The following ZNF208 variants were observed in gnomAD, a reference collection of about 807,000 sequenced individuals.
The protein encoded by ZNF208 is zinc finger protein 208.
In ZNF208, 10 loss-of-function variants were observed where a neutral mutation model predicts 12.1. That is an observed-to-expected ratio of 0.83 (90% CI 0.51 to 1.40). ZNF208 has a LOEUF of 1.40. Ranked by LOEUF, ZNF208 falls within the 40% of genes most tolerant of loss-of-function variation. ZNF208 has a pLI of 0.00. For missense variants in ZNF208, 1,652 were observed against 1,485.0 expected, an observed-to-expected ratio of 1.11 and a Z score of -1.85; for synonymous variants, 497 against 488.4, an observed-to-expected ratio of 1.02 and a Z score of -0.23.
intron 1 of ZNF208, 124 bp from the exon 2 acceptor site, chr19:21,989,033 A>T: frequency 7.8e-7 from 1 of 1,277,484 alleles, no homozygotes; most frequent in Non-Finnish European, 1.1e-6. Flanking sequence ...GAAATTATTC[A>T]ATAAAATAAT....
chr19:21,976,570 A>G lies in ZNF208; in HGVS notation c.227-1763T>C, dbSNP rs570641236. Among the ~76,000 whole-genome samples the G allele has an allele frequency of 9.8e-5, 15 of 152,294 alleles. 1 individual carries two copies. The South Asian group carries it at 3.1e-3, about 32-fold the overall frequency. On this transcript the variant is annotated intron_variant, in intron 3 of 3. Transcript: ENST00000397126. Reference sequence around the variant, plus strand: ...ATATCTAATAGATTTATTAACATTTATTCTTTTGAGACAAAGTTTTACTTT... The same window carrying G: ...ATATCTAATAGATTTATTAACATTTGTTCTTTTGAGACAAAGTTTTACTTT...
rs568677167 is a variant in ZNF208, at chr19:21,982,433, T to C, written c.226+4783A>G. 1.2e-4 allele frequency among the ~76,000 whole-genome samples: 18 copies of C among 151,026 alleles called. No individual in the cohort carries two copies. The South Asian group carries it at 3.6e-3, about 30-fold the overall frequency. On this transcript the variant is annotated intron_variant, in intron 3 of 3. Coordinates refer to ENST00000397126, the MANE Select transcript of ZNF208 (RefSeq NM_007153.3). The stretch of plus-strand genomic sequence containing the variant: ...ATCAATATCATGAAAATGGCCATAC[T>C]GCCCAAGGTAATTTATAGATTCAAT...
chr19:21,971,504 C>G lies in ZNF208; in HGVS notation c.3530G>C (p.Gly1177Ala), dbSNP rs879149203. 57 of 1,605,024 alleles carry G rather than the reference C, an allele frequency of 3.6e-5. No homozygotes were observed. In the South Asian group the frequency reaches 5.8e-4, roughly 16 times the overall value. The change falls in exon 4 of 4, where the codon GGC becomes GCC. Residue 1177 changes from glycine to alanine, a missense_variant. This residue lies in a region of ZNF208 where 1,239 missense variants were observed against 1,086.2 expected (regional missense o/e 1.14). Coordinates refer to ENST00000397126, the MANE Select transcript of ZNF208 (RefSeq NM_007153.3). ...TGCAAGGATTGAGAACATAACAAAG[C>G]CTTTGCCACATTCTTCACATTTGTA... Reference protein sequence around the residue: ...KPYKCEECGKGFVMFSILAKH... With the variant: ...KPYKCEECGKAFVMFSILAKH...
chr19:22,010,252 T>C (rs1249688594), intron 1 of ZNF208, among the ~76,000 whole-genome samples: 1 of 152,194 alleles, frequency 6.6e-6, no homozygotes, highest in Non-Finnish European at 1.5e-5. Flanking sequence ...TTATTGAATG[T>C]GGTTTTCCTC....
At chr19:21,983,242 A>G (rs929428611) in intron 3 of ZNF208, among the ~76,000 whole-genome samples, 14 of 152,240 alleles carry the variant, frequency 9.2e-5, no homozygotes, top group African/African-American at 3.4e-4. Flanking sequence ...TGGCAAACAA[A>G]CATATGAAAA....
At chr19:21,992,262 T>G (rs571689119) in intron 1 of ZNF208, among the ~76,000 whole-genome samples, 12 of 152,356 alleles carry the variant, frequency 7.9e-5, no homozygotes, top group Admixed American at 2.6e-4. Flanking sequence ...GAACACATTT[T>G]TATAATGTCC....
chr19:21,961,953 G>C (rs1395914665), downstream of ZNF208, among the ~76,000 whole-genome samples: 1 of 152,076 alleles, frequency 6.6e-6, no homozygotes, highest in East Asian at 1.9e-4. Context: ...GTCCTGAGGT[G>C]ACATACATCC....
In ZNF208 at chr19:21,950,718, C is replaced by A. The variant is rs557524491; in HGVS notation, c.306-17481G>T. ...CCATGTTGGCCAGGCTGGTCTCAAA[C>A]TCCTGACCTCAGGTGATCCACCCGC... On this transcript the variant is annotated intron_variant, in intron 4 of 4. Coordinates refer to the ZNF208 transcript ENST00000599916. 1.3e-3 allele frequency among the ~76,000 whole-genome samples: 194 copies of A among 152,202 alleles called. 2 individuals carry two copies. The highest frequency in any genetic ancestry group is 6.9e-3 in the South Asian group (33 of 4,808).
intron 3 of ZNF208, among the ~76,000 whole-genome samples, chr19:21,984,749 G>C (rs1420710904): frequency 1.3e-5 from 2 of 152,020 alleles, no homozygotes; most frequent in African/African-American, 2.4e-5. Context: ...AACCCTAAAA[G>C]TATATAGAAT....
At position 21,972,602 on chromosome 19, in the gene ZNF208, C is replaced by T. The variant is rs755657892; in HGVS notation, c.2432G>A (p.Gly811Asp). 9 of 1,613,350 alleles carry T rather than the reference C, an allele frequency of 5.6e-6. No individual in the cohort carries two copies. In the Admixed American group the frequency reaches 1.0e-4, roughly 18 times the overall value. The part of the protein sequence containing the change: ...DEKPYKCEEC[G>D]KTFSKVSTLT... ...GGTTGAGACCTTACTAAAGGTTTTGCCACATTCTTCACATTTGTAGGGTTT... is the reference window on the plus strand; with the variant it reads ...GGTTGAGACCTTACTAAAGGTTTTGTCACATTCTTCACATTTGTAGGGTTT... Residue 811 changes from glycine (G) to aspartate (D), a missense_variant, in exon 4 of 4, where the codon GGC (glycine) becomes GAC (aspartate). By Grantham distance (94) the Gly-to-Asp change is moderately conservative. Around this residue, in one of 3 missense-constraint regions of ZNF208, gnomAD observed 1,239 missense variants for 1,086.2 expected, o/e 1.14. Transcript: ENST00000397126.
intron 1 of ZNF208, among the ~76,000 whole-genome samples, chr19:21,994,680 C>G (rs999477643): frequency 1.3e-5 from 2 of 151,904 alleles, no homozygotes; most frequent in African/African-American, 4.8e-5. Context: ...TTAAGGTTTT[C>G]TAGAATAATT....
intron 4 of ZNF208, among the ~76,000 whole-genome samples, chr19:21,958,548 G>C (rs1970014297): frequency 1.3e-5 from 2 of 152,172 alleles, no homozygotes; most frequent in South Asian, 4.1e-4. Flanking sequence ...TTATCAGGGT[G>C]TGTCAGCAGC....
intron 1 of ZNF208, among the ~76,000 whole-genome samples, chr19:21,993,451 C>A (rs1473395872): frequency 6.6e-6 from 1 of 151,688 alleles, no homozygotes; most frequent in East Asian, 1.9e-4. Flanking sequence ...AATCCATGGA[C>A]AGGGCACAAG....
Position 21,955,395 on chromosome 19 carries a change from T to A in ZNF208, c.305+19334A>T, listed in dbSNP as rs1276474127. 2.0e-5 allele frequency among the ~76,000 whole-genome samples: 3 copies of A among 152,346 alleles called. No homozygotes were observed. The South Asian group carries it at 6.2e-4, about 32-fold the overall frequency. ...GGCCTGCCTTGCTGGGTTGGGATAGTTCTCCTGGATAATATCCTGAAGAAT... is the reference window on the plus strand; with the variant it reads ...GGCCTGCCTTGCTGGGTTGGGATAGATCTCCTGGATAATATCCTGAAGAAT... On this transcript the variant is annotated intron_variant, in intron 4 of 4. Transcript: ENST00000599916.
intron 3 of ZNF208, among the ~76,000 whole-genome samples, chr19:21,979,629 C>A (rs1411607805): frequency 3.3e-5 from 5 of 152,132 alleles, no homozygotes; most frequent in African/African-American, 1.2e-4. Flanking sequence ...CAAAAACATA[C>A]CAAATTGTAA....
Position 21,974,161 on chromosome 19 carries a change from G to C in ZNF208, c.873C>G (p.Gly291=), listed in dbSNP as rs753814684. The C allele has an allele frequency of 1.2e-6, 2 of 1,603,652 alleles. No homozygotes were observed. Among genetic ancestry groups the C allele is most frequent in the East Asian group, 2.2e-5 (1 of 44,646 alleles). ...GAGTCGAGACCTTACTAAAGGCTTT[G>C]CCACATTCTTCACATTTGTTGGGTT... The part of the protein sequence containing the change: ...GEKPNKCEEC[G]KAFSKVSTLT... The change falls in exon 4 of 4, where the codon GGC becomes GGG. Residue 291 remains glycine, a synonymous_variant. Coordinates refer to ENST00000397126, the MANE Select transcript of ZNF208 (RefSeq NM_007153.3).
intron 2 of ZNF208, among the ~76,000 whole-genome samples, chr19:21,987,714 A>G (rs1970652150): frequency 6.6e-6 from 1 of 152,216 alleles, no homozygotes; most frequent in Non-Finnish European, 1.5e-5. Flanking sequence ...AGAATGAATC[A>G]GTAGTTAAGT....
chr19:22,001,892 CAAAAAAAAAAAAAAAAA>C (rs58939967), intron 1 of ZNF208, among the ~76,000 whole-genome samples: 2 of 74,106 alleles, frequency 2.7e-5, no homozygotes, highest in Non-Finnish European at 5.4e-5. Context: ...GACTCCATCC[CAAAAAAAAAAAAAAAAA>C]AAAAAAAAAA....
At chr19:21,989,404 A>C (rs1415882814) in intron 1 of ZNF208, among the ~76,000 whole-genome samples, 1 of 151,948 alleles carries the variant, frequency 6.6e-6, no homozygotes, top group Non-Finnish European at 1.5e-5. Context: ...CCAACAAAGG[A>C]CATGAACTCA....
Sources: allele counts gnomAD v4.1 joint callset (sites outside exome capture counted in the v4.1 genomes callset), GRCh38; gene constraint gnomAD v4.1.1; regional missense constraint gnomAD v4.1.1; transcripts MANE v1.5; gene names NCBI Gene and HGNC (gene_info 2026-07-23, HGNC 2026-07-21).